Variants in PEBP4 observed in about 807,000 individuals in gnomAD.
PEBP4 encodes phosphatidylethanolamine binding protein 4.
A neutral mutation model predicts 23.9 loss-of-function variants in PEBP4; 22 were observed. The ratio of observed to expected loss-of-function variants is 0.92; its 90% CI spans 0.66 to 1.31. The LOEUF is 1.31. Ranked by LOEUF, PEBP4 falls within the 40% of genes most tolerant of loss-of-function variation. PEBP4 has a pLI of 0.00. For missense variants in PEBP4, 324 were observed against 281.7 expected (o/e 1.15, Z -1.07); for synonymous variants, 112 against 99.3 (o/e 1.13, Z -0.76).
At chr8:22,769,244 C>A (rs539385178) in intron 4 of PEBP4, among the ~76,000 whole-genome samples, 2 of 152,324 alleles carry the variant, frequency 1.3e-5, no homozygotes, top group South Asian at 4.1e-4. Flanking sequence ...GTTCCTGCCT[C>A]CCTCAGGCCC....
chr8:22,921,587 C>T (rs926198088), intron 2 of PEBP4, among the ~76,000 whole-genome samples: 6 of 152,230 alleles, frequency 3.9e-5, no homozygotes, highest in African/African-American at 1.4e-4. Flanking sequence ...GCCCCCAGCA[C>T]CTGGCAGCCC....
intron 3 of PEBP4, among the ~76,000 whole-genome samples, chr8:22,909,406 C>T (rs1264500732): frequency 2.0e-5 from 3 of 152,170 alleles, no homozygotes; most frequent in East Asian, 3.8e-4. Context: ...AGACCTAACC[C>T]GCAGTAAAGA....
intron 2 of PEBP4, among the ~76,000 whole-genome samples, chr8:22,921,544 C>G (rs1429898091): frequency 6.6e-6 from 1 of 152,198 alleles, no homozygotes; most frequent in Non-Finnish European, 1.5e-5. Flanking sequence ...TCCAGTGGCT[C>G]CTGAAGTCCA....
intron 3 of PEBP4, among the ~76,000 whole-genome samples, chr8:22,918,984 AG>A (rs1809141653): frequency 6.6e-6 from 1 of 152,082 alleles, no homozygotes; most frequent in Non-Finnish European, 1.5e-5. Context: ...CCCAAAGGAA[AG>A]GGTGTTTGTC....
At chr8:22,729,196 C>T (rs1034727867) in intron 4 of PEBP4, among the ~76,000 whole-genome samples, 4 of 152,206 alleles carry the variant, frequency 2.6e-5, no homozygotes, top group Non-Finnish European at 5.9e-5. Flanking sequence ...GGAGGGAAGG[C>T]CTTGACAGAT....
chr8:22,918,599 C>CA (rs1488163820), intron 3 of PEBP4, among the ~76,000 whole-genome samples: 3 of 152,226 alleles, frequency 2.0e-5, no homozygotes, highest in African/African-American at 7.2e-5. Context: ...GCAGCATCAT[C>CA]AGCACGCGGA....
intron 3 of PEBP4, among the ~76,000 whole-genome samples, chr8:22,899,578 C>T (rs531833845): frequency 1.0e-3 from 157 of 152,246 alleles, no homozygotes; most frequent in Middle Eastern, 3.4e-3. Flanking sequence ...TGCGACTCAC[C>T]CCGTTACCAT....
chr8:22,791,242 C>T (rs1806131330), intron 4 of PEBP4, among the ~76,000 whole-genome samples: 1 of 152,002 alleles, frequency 6.6e-6, no homozygotes. Context: ...GGCTGAGGAG[C>T]AGAGAAGGGA....
chr8:22,771,106 C>G (rs1354547670), intron 4 of PEBP4, among the ~76,000 whole-genome samples: 1 of 152,232 alleles, frequency 6.6e-6, no homozygotes, highest in African/African-American at 2.4e-5. Flanking sequence ...TGTAAGCTGA[C>G]CCCCACAGGA....
At chr8:22,765,253 C>A (rs1242653239) in intron 4 of PEBP4, among the ~76,000 whole-genome samples, 1 of 152,118 alleles carries the variant, frequency 6.6e-6, no homozygotes, top group African/African-American at 2.4e-5. Flanking sequence ...AAGCGATTCT[C>A]CTGCCTCAGC....
upstream of PEBP4, among the ~76,000 whole-genome samples, chr8:22,928,200 G>A (rs946163180): frequency 6.6e-6 from 1 of 152,212 alleles, no homozygotes; most frequent in Non-Finnish European, 1.5e-5. Flanking sequence ...CCCTCAGACC[G>A]GCTCTGACTC....
chr8:22,839,945 A>G (rs1262069227), intron 3 of PEBP4, among the ~76,000 whole-genome samples: 1 of 152,244 alleles, frequency 6.6e-6, no homozygotes, highest in Non-Finnish European at 1.5e-5. Context: ...AATTAAGGGA[A>G]GACAGCCATG....
At chr8:22,804,101 G>A (rs1806445082) in intron 4 of PEBP4, among the ~76,000 whole-genome samples, 1 of 152,200 alleles carries the variant, frequency 6.6e-6, no homozygotes, top group Non-Finnish European at 1.5e-5. Context: ...AGGCCGAGGT[G>A]GGAGGATTGC....
At chr8:22,839,750 C>A (rs1807283509) in intron 3 of PEBP4, among the ~76,000 whole-genome samples, 1 of 152,126 alleles carries the variant, frequency 6.6e-6, no homozygotes, top group Admixed American at 6.5e-5. Flanking sequence ...ACCTGACAGA[C>A]CCTCGTGATT....
At chr8:22,872,041 T>G (rs796536133) in intron 3 of PEBP4, among the ~76,000 whole-genome samples, 11 of 152,348 alleles carry the variant, frequency 7.2e-5, no homozygotes, top group African/African-American at 2.6e-4. Flanking sequence ...GGTTTTCCAT[T>G]CCTGAGTTAT....
chr8:22,927,130 C>G (rs543642831), intron 2 of PEBP4, among the ~76,000 whole-genome samples: 9 of 152,308 alleles, frequency 5.9e-5, no homozygotes, highest in African/African-American at 2.2e-4. Context: ...CACAAACGCT[C>G]CTGGGTCCTA....
At chr8:22,926,126 C>T (rs1563264230) in intron 2 of PEBP4, among the ~76,000 whole-genome samples, 1 of 151,168 alleles carries the variant, frequency 6.6e-6, no homozygotes, top group Non-Finnish European at 1.5e-5. Context: ...CAGGTGTGCG[C>T]CACCATGCCC....
At chr8:22,746,621 T>TCTCCCTCCTCTATCTCCTCCTCTC (rs1805125250) in intron 4 of PEBP4, among the ~76,000 whole-genome samples, 1 of 151,038 alleles carries the variant, frequency 6.6e-6, no homozygotes, top group South Asian at 2.1e-4. Context: ...CTCCTCCTCT[T>TCTCCCTCCTCTATCTCCTCCTCTC]CTCCCTCCTC....
At chr8:22,743,059 G>A (rs996710335) in intron 4 of PEBP4, among the ~76,000 whole-genome samples, 1 of 152,166 alleles carries the variant, frequency 6.6e-6, no homozygotes, top group Non-Finnish European at 1.5e-5. Flanking sequence ...CTGTGTGCTG[G>A]GGAGCCAATG....
Sources: gnomAD v4.1 joint callset for allele counts (sites outside exome capture counted in the v4.1 genomes callset) on GRCh38, gnomAD v4.1.1 for gene constraint, MANE v1.5 for transcripts, NCBI Gene and HGNC (gene_info 2026-07-23, HGNC 2026-07-21) for gene names.